The following GRID1 variants were observed in gnomAD, a reference collection of about 807,000 sequenced individuals.
The protein encoded by GRID1 is glutamate receptor ionotropic, delta-1.
GRID1 carries 28 observed loss-of-function variants against 98.0 expected under a neutral mutation model. The observed-to-expected ratio is 0.29, with a 90% CI of 0.21 to 0.39. The LOEUF (loss-of-function observed/expected upper bound fraction) is 0.39, where lower values mean the gene tolerates loss of function less well. Among genes scored for constraint, GRID1 ranks in the 10% least tolerant of loss-of-function variants. The pLI is 1.00. For synonymous variants in GRID1, 553 were observed against 538.5 expected, an observed-to-expected ratio of 1.03 and a Z score of -0.37; for missense variants, 1,111 against 1,340.5, an observed-to-expected ratio of 0.83 and a Z score of 2.67.
chr10:86,000,978 CTA>C (rs1046598712), intron 4 of GRID1, among the ~76,000 whole-genome samples: 10 of 152,144 alleles, frequency 6.6e-5, no homozygotes, highest in Middle Eastern at 3.2e-3. Context: ...GAGAAACCAA[CTA>C]TGATACACCA....
chr10:85,674,323 C>T (rs1003752952), intron 12 of GRID1, among the ~76,000 whole-genome samples: 7 of 152,152 alleles, frequency 4.6e-5, no homozygotes, highest in Admixed American at 3.3e-4. Context: ...AAGCCCCCCT[C>T]AGAACGGGTG....
Position 86,138,935 on chromosome 10 carries a change from C to T in GRID1, c.610G>A (p.Val204Ile), listed in dbSNP as rs371302230. The change falls in exon 4 of 16, where the codon GTA (valine) becomes ATA (isoleucine). Residue 204 changes from valine (V) to isoleucine (I), a missense_variant. Physicochemically the swap from Val to Ile is conservative, Grantham distance 29 (BLOSUM62 3). This residue lies in a region of GRID1 where 346 missense variants were observed against 452.3 expected (regional missense o/e 0.76). Coordinates refer to ENST00000327946, the MANE Select transcript of GRID1 (RefSeq NM_017551.3). ...ATCGTGGTGAAGAGGCTGGTGAATA[C>T]GTGGCTAATGTTCTTGTCCACCTTT... ...LQKVDKNISH[V>I]FTSLFTTMKT... 115 of 1,613,608 alleles carry T rather than the reference C, an allele frequency of 7.1e-5. No individual in the cohort carries two copies. Among genetic ancestry groups the T allele is most frequent in the Non-Finnish European group, 9.2e-5 (108 of 1,179,610 alleles).
At chr10:86,204,462 C>A (rs7092547) in intron 3 of GRID1, among the ~76,000 whole-genome samples, 13 of 152,162 alleles carry the variant, frequency 8.5e-5, no homozygotes, top group Non-Finnish European at 1.3e-4. Flanking sequence ...AGCATGTCTG[C>A]GAGAGCGTGT....
chr10:85,825,207 T>C (rs769813836), intron 8 of GRID1, among the ~76,000 whole-genome samples: 2 of 152,228 alleles, frequency 1.3e-5, no homozygotes, highest in Non-Finnish European at 2.9e-5. Flanking sequence ...TCTGTTGCTT[T>C]TGACTTTTTA....
chr10:85,692,198 A>G (rs1220101085), intron 12 of GRID1, among the ~76,000 whole-genome samples: 1 of 152,112 alleles, frequency 6.6e-6, no homozygotes, highest in Non-Finnish European at 1.5e-5. Flanking sequence ...TCATTTATGA[A>G]TTTACCCAAC....
chr10:86,050,015 G>A (rs780434256), intron 4 of GRID1, among the ~76,000 whole-genome samples: 2 of 152,170 alleles, frequency 1.3e-5, no homozygotes, highest in Non-Finnish European at 2.9e-5. Context: ...GTCAAAATGT[G>A]TGGCAGGCAA....
chr10:85,606,922 T>C (rs767417242), intron 15 of GRID1: 1 of 152,234 alleles, frequency 6.6e-6, no homozygotes, highest in Non-Finnish European at 1.5e-5. Context: ...GGCCAGGTAA[T>C]GACAGCTGTG....
At chr10:85,966,293 A>G (rs1019886862) in intron 4 of GRID1, among the ~76,000 whole-genome samples, 1 of 152,236 alleles carries the variant, frequency 6.6e-6, no homozygotes, top group African/African-American at 2.4e-5. Flanking sequence ...AAAGATGCCC[A>G]TAGGGACATT....
rs185699874 is a variant in GRID1 at position 85,632,520 on chromosome 10, G to A, written c.2194-12487C>T. The stretch of plus-strand genomic sequence containing the variant: ...GTTCCCACATGATGCTGGCGGTGTT[G>A]GAACAAGGCCCACCCTTTGAGAACT... On this transcript the variant is annotated intron_variant, in intron 13 of 15. Coordinates refer to ENST00000327946, the MANE Select transcript of GRID1 (RefSeq NM_017551.3). Among the ~76,000 whole-genome samples, 373 of 149,968 alleles carry A rather than the reference G, an allele frequency of 2.5e-3. 2 individuals carry two copies. The highest frequency in any genetic ancestry group is 8.9e-3 in the African/African-American group (363 of 40,760).
intron 4 of GRID1, among the ~76,000 whole-genome samples, chr10:86,130,208 C>T (rs71503849): frequency 0.087 from 8,183 of 93,596 alleles, 319 homozygotes; most frequent in Non-Finnish European, 0.11. Context: ...GGACACACAG[C>T]TAGCTGATGC....
intron 5 of GRID1, among the ~76,000 whole-genome samples, chr10:85,884,336 C>T (rs1841081334): frequency 2.0e-5 from 3 of 152,122 alleles, no homozygotes; most frequent in Admixed American, 1.3e-4. Flanking sequence ...ACCTGCCTCC[C>T]AAATAGCTCC....
Position 86,183,587 on chromosome 10 carries a change from G to A in GRID1, c.520+22777C>T, listed in dbSNP as rs192835543. Among the ~76,000 whole-genome samples, 118 of 152,250 alleles carry A rather than the reference G, an allele frequency of 7.8e-4. 1 individual carries two copies. Among genetic ancestry groups the A allele is most frequent in the Middle Eastern group, 6.8e-3 (2 of 294 alleles). ...TTGGTCAGGCTGGTCTCAAACTCCT[G>A]ACCTCAAGTGATCCACCTGCCTCAG... is the stretch of plus-strand genomic sequence containing the variant. On this transcript the variant is annotated intron_variant, in intron 3 of 15. Transcript: ENST00000327946.
chr10:86,247,897 G>C (rs919828900), intron 2 of GRID1, among the ~76,000 whole-genome samples: 1 of 152,186 alleles, frequency 6.6e-6, no homozygotes, highest in African/African-American at 2.4e-5. Context: ...CCAAGACCAA[G>C]CCCTCTGAAC....
chr10:86,137,964 A>C (rs1205035065), intron 4 of GRID1, among the ~76,000 whole-genome samples: 1 of 152,188 alleles, frequency 6.6e-6, no homozygotes, highest in African/African-American at 2.4e-5. Context: ...GTTTACTTTC[A>C]ATCAGAGAGG....
chr10:86,035,490 T>G lies in GRID1; in HGVS notation c.726+103329A>C, dbSNP rs142837829. ...GCTGTGCAAGATCCAGCTCCAGACA[T>G]GTGCTCACAGGTCCCAACAGAGGAG... On this transcript the variant is annotated intron_variant, in intron 4 of 15. Coordinates refer to ENST00000327946, the MANE Select transcript of GRID1 (RefSeq NM_017551.3). 9.4e-3 allele frequency among the ~76,000 whole-genome samples: 1,438 copies of G among 152,318 alleles called. 8 individuals carry two copies. Among genetic ancestry groups the G allele is most frequent in the South Asian group, 0.018 (89 of 4,826 alleles).
chr10:86,108,202 G>A (rs113966918), intron 4 of GRID1, among the ~76,000 whole-genome samples: 4 of 152,166 alleles, frequency 2.6e-5, no homozygotes, highest in African/African-American at 4.8e-5. Flanking sequence ...TTTGAGCAGC[G>A]GGGCACTGAA....
chr10:86,003,892 C>T (rs753045554), intron 4 of GRID1, among the ~76,000 whole-genome samples: 19 of 152,188 alleles, frequency 1.2e-4, no homozygotes, highest in Non-Finnish European at 2.8e-4. Context: ...TGCCAACTTG[C>T]CTGCCCTGTG....
intron 5 of GRID1, among the ~76,000 whole-genome samples, chr10:85,914,049 T>A (rs919647352): frequency 4.6e-5 from 7 of 152,146 alleles, no homozygotes; most frequent in Admixed American, 4.6e-4. Flanking sequence ...ATACCCCATA[T>A]CTGACTCCTC....
chr10:86,322,440 C>A, intron 2 of GRID1, among the ~76,000 whole-genome samples: 1 of 152,078 alleles, frequency 6.6e-6, no homozygotes, highest in East Asian at 1.9e-4. Flanking sequence ...GTGACAGATT[C>A]TTGTTCTGTT....
Sources: gnomAD v4.1 joint callset for allele counts (sites outside exome capture counted in the v4.1 genomes callset) on GRCh38, gnomAD v4.1.1 for gene constraint, gnomAD v4.1.1 regional missense constraint, MANE v1.5 for transcripts, NCBI Gene and HGNC (gene_info 2026-07-23, HGNC 2026-07-21) for gene names.